Variants in NAA11 observed in about 807,000 individuals in gnomAD.
The protein encoded by NAA11 is N-alpha-acetyltransferase 11.
In NAA11, 15 loss-of-function variants were observed where a neutral mutation model predicts 16.1. The ratio of observed to expected loss-of-function variants is 0.93; its 90% CI spans 0.62 to 1.44. The LOEUF (loss-of-function observed/expected upper bound fraction) is 1.44, where lower values mean the gene tolerates loss of function less well. Ranked by LOEUF, NAA11 falls within the 40% of genes most tolerant of loss-of-function variation. The pLI, the probability that NAA11 is intolerant of heterozygous loss-of-function variation, is 0.00. For missense variants in NAA11, 298 were observed against 291.3 expected, an observed-to-expected ratio of 1.02 and a Z score of -0.17; for synonymous variants, 122 against 112.4, an observed-to-expected ratio of 1.09 and a Z score of -0.54.
intron 1 of NAA11, among the ~76,000 whole-genome samples, chr4:79,319,466 T>C (rs181987168): frequency 4.6e-5 from 7 of 152,314 alleles, no homozygotes; most frequent in South Asian, 2.1e-4. Context: ...CTTTGAATCA[T>C]TGCCCATTCA....
At chr4:79,205,460 G>A in the NAA11 span, among the ~76,000 whole-genome samples, 1 of 151,638 alleles carries the variant, frequency 6.6e-6, no homozygotes, top group East Asian at 1.9e-4. Context: ...AGGATTATTT[G>A]GTTTTTTAAA....
At chr4:79,272,435 G>C (rs1223304216) in intron 2 of NAA11, among the ~76,000 whole-genome samples, 2 of 151,994 alleles carry the variant, frequency 1.3e-5, no homozygotes, top group African/African-American at 4.8e-5. Context: ...ATCCTGTGCA[G>C]AAGCAGGGGC....
At chr4:79,296,977 AG>A (rs1266209974) in intron 1 of NAA11, among the ~76,000 whole-genome samples, 2 of 152,178 alleles carry the variant, frequency 1.3e-5, no homozygotes, top group African/African-American at 4.8e-5. Context: ...CAGTGACAGC[AG>A]GAGCGGCTGT....
rs573443049 is a variant in NAA11, at chr4:79,289,958, A to G, written c.*122+4047T>C. Among the ~76,000 whole-genome samples, 203 of 152,338 alleles carry G rather than the reference A, an allele frequency of 1.3e-3. No individual in the cohort carries two copies. The Middle Eastern group carries it at 0.017, about 13-fold the overall frequency. ...GGAGGTTCTCAGCCGTTCTCAGTGC[A>G]TATGGCTCTTTGGGGTAGAAAGCGA... On this transcript the variant is annotated intron_variant and NMD_transcript_variant, in intron 2 of 2. Coordinates refer to the NAA11 transcript ENST00000511542.
Position 79,325,507 on chromosome 4 carries a change from T to A in NAA11, c.371A>T (p.Asn124Ile). ...CTCACTAATCTGAAAGTTGAGGGTG[T>A]TAGAATAAAGGTGCAAGGCTGGCCG... ...SNRPALHLYS[N>I]TLNFQISEVE... The change falls in exon 1 of 2, where the codon AAC becomes ATC. Residue 124 changes from asparagine (N) to isoleucine (I), a missense_variant. Physicochemically the swap from Asn to Ile is moderately radical, Grantham distance 149. Transcript: ENST00000286794. 6.2e-7 allele frequency: 1 copy of A among 1,614,178 alleles called. No individual in the cohort carries two copies. Among genetic ancestry groups the A allele is most frequent in the East Asian group, 2.2e-5 (1 of 44,872 alleles).
At chr4:79,296,704 T>C (rs571568917) in intron 1 of NAA11, among the ~76,000 whole-genome samples, 1 of 152,330 alleles carries the variant, frequency 6.6e-6, no homozygotes, top group South Asian at 2.1e-4. Context: ...CTCTCTTTTC[T>C]TTGTCCTAGC....
intron 2 of NAA11, among the ~76,000 whole-genome samples, chr4:79,257,247 G>C (rs1379500149): frequency 6.6e-6 from 1 of 151,994 alleles, no homozygotes; most frequent in African/African-American, 2.4e-5. Flanking sequence ...TACACCACTA[G>C]CTTCATATTT....
intron 1 of NAA11, among the ~76,000 whole-genome samples, chr4:79,304,670 T>C (rs904073107): frequency 6.6e-6 from 1 of 152,190 alleles, no homozygotes; most frequent in Admixed American, 6.5e-5. Context: ...CATTTCATCC[T>C]CAAAAATATC....
the NAA11 span, among the ~76,000 whole-genome samples, chr4:79,163,088 T>C: frequency 2.0e-5 from 3 of 152,314 alleles, no homozygotes; most frequent in African/African-American, 7.2e-5. Flanking sequence ...CCCTCCTATT[T>C]CCACCATATT....
chr4:79,260,984 AT>A (rs1171449533), intron 2 of NAA11, among the ~76,000 whole-genome samples: 16 of 152,236 alleles, frequency 1.1e-4, no homozygotes, highest in Admixed American at 1.0e-3. Flanking sequence ...CCTTAGAGCT[AT>A]ATGTCATTTT....
At chr4:79,307,714 C>T (rs1256635354) in intron 1 of NAA11, among the ~76,000 whole-genome samples, 1 of 152,120 alleles carries the variant, frequency 6.6e-6, no homozygotes, top group African/African-American at 2.4e-5. Flanking sequence ...GAGTATATTG[C>T]TTGTTTCCTA....
the NAA11 span, among the ~76,000 whole-genome samples, chr4:79,164,649 C>A: frequency 6.6e-6 from 1 of 152,306 alleles, no homozygotes; most frequent in African/African-American, 2.4e-5. Flanking sequence ...GGCCCCAACA[C>A]AGACAAAACT....
chr4:79,208,617 C>G, the NAA11 span, among the ~76,000 whole-genome samples: 108,667 of 151,784 alleles, frequency 0.72, 41,128 homozygotes, highest in East Asian at 0.89. Context: ...AGTAGTTCTA[C>G]ATTTTTTTCC....
chr4:79,274,536 A>T (rs768602322), intron 2 of NAA11, among the ~76,000 whole-genome samples: 2 of 152,096 alleles, frequency 1.3e-5, no homozygotes, highest in Non-Finnish European at 2.9e-5. Flanking sequence ...GGGATTAAGG[A>T]TTAATGCTGG....
chr4:79,319,743 CAT>C (rs962644835), intron 1 of NAA11, among the ~76,000 whole-genome samples: 1 of 152,178 alleles, frequency 6.6e-6, no homozygotes, highest in African/African-American at 2.4e-5. Context: ...TCTTTATCTT[CAT>C]AGAGTGCAGT....
intron 2 of NAA11, among the ~76,000 whole-genome samples, chr4:79,284,513 T>TAACA (rs1466622055): frequency 6.6e-6 from 1 of 152,096 alleles, no homozygotes; most frequent in Non-Finnish European, 1.5e-5. Flanking sequence ...TCATCATAGG[T>TAACA]AACAGCCTCT....
chr4:79,324,763 G>A (rs922610395), intron 1 of NAA11, among the ~76,000 whole-genome samples: 1 of 152,124 alleles, frequency 6.6e-6, no homozygotes, highest in Non-Finnish European at 1.5e-5. Context: ...TTTACCTAAT[G>A]CTATTAGCCA....
chr4:79,277,149 T>A (rs925826624), intron 2 of NAA11, among the ~76,000 whole-genome samples: 1 of 152,156 alleles, frequency 6.6e-6, no homozygotes, highest in African/African-American at 2.4e-5. Context: ...AAGGTCTGAC[T>A]GCTCTATCCA....
At chr4:79,260,087 A>G (rs935693962) in intron 2 of NAA11, among the ~76,000 whole-genome samples, 1 of 152,024 alleles carries the variant, frequency 6.6e-6, no homozygotes, top group Non-Finnish European at 1.5e-5. Context: ...TTCTGTGTTG[A>G]TTTGGCTCAC....
Sources: gnomAD v4.1 joint callset for allele counts (sites outside exome capture counted in the v4.1 genomes callset) on GRCh38, gnomAD v4.1.1 for gene constraint, MANE v1.5 for transcripts, NCBI Gene and HGNC (gene_info 2026-07-23, HGNC 2026-07-21) for gene names.